Variants in RBM47 observed in about 807,000 individuals in gnomAD.
The protein encoded by RBM47 is RNA binding motif protein 47, also known as RNA-binding protein 47.
Under a neutral mutation model 47.1 loss-of-function variants are expected in RBM47, and 21 were observed. The observed-to-expected ratio is 0.45, with a 90% CI of 0.32 to 0.64. RBM47 has a LOEUF of 0.64. Ranked by LOEUF, RBM47 falls within the 30% of genes least tolerant of loss-of-function variation. The pLI, the probability that RBM47 is intolerant of heterozygous loss-of-function variation, is 0.05. For missense variants in RBM47, 708 were observed against 870.9 expected, an observed-to-expected ratio of 0.81 and a Z score of 2.35; for synonymous variants, 375 against 361.7, an observed-to-expected ratio of 1.04 and a Z score of -0.42.
chr4:40,585,780 T>C (rs1250923889), intron 1 of RBM47, among the ~76,000 whole-genome samples: 2 of 152,166 alleles, frequency 1.3e-5, no homozygotes, highest in Non-Finnish European at 2.9e-5. Flanking sequence ...GCACGGCACA[T>C]AGGACACAGC....
intron 2 of RBM47, among the ~76,000 whole-genome samples, chr4:40,502,986 CA>C (rs35856007): frequency 0.04 from 3,431 of 86,396 alleles, 80 homozygotes; most frequent in African/African-American, 0.14. Context: ...CCTGTCTGTA[CA>C]AAAAAAAAAA....
chr4:40,614,582 A>G (rs1244577682), intron 1 of RBM47, among the ~76,000 whole-genome samples: 1 of 151,888 alleles, frequency 6.6e-6, no homozygotes, highest in East Asian at 1.9e-4. Context: ...ACCTGTAATT[A>G]CAACACTCTG....
At chr4:40,560,821 C>T (rs555055596) in intron 1 of RBM47, among the ~76,000 whole-genome samples, 39 of 152,070 alleles carry the variant, frequency 2.6e-4, no homozygotes, top group African/African-American at 9.2e-4. Flanking sequence ...AAAAAATTAC[C>T]CAGGCATGGT....
chr4:40,538,502 T>G (rs1728194172), intron 2 of RBM47, among the ~76,000 whole-genome samples: 1 of 152,048 alleles, frequency 6.6e-6, no homozygotes, highest in South Asian at 2.1e-4. Context: ...AATTTTTGTA[T>G]TTTTAGTAGA....
intron 2 of RBM47, among the ~76,000 whole-genome samples, chr4:40,489,104 T>C (rs1721515684): frequency 6.6e-6 from 1 of 152,180 alleles, no homozygotes; most frequent in Admixed American, 6.5e-5. Flanking sequence ...CCCCCTCATG[T>C]ATTCAGTTGC....
intron 1 of RBM47, among the ~76,000 whole-genome samples, chr4:40,597,090 C>G (rs1209923334): frequency 2.0e-5 from 3 of 152,012 alleles, no homozygotes; most frequent in Non-Finnish European, 4.4e-5. Flanking sequence ...GAAACCCTAT[C>G]TCTACTAAAA....
At chr4:40,585,985 G>C (rs1733539199) in intron 1 of RBM47, among the ~76,000 whole-genome samples, 1 of 152,172 alleles carries the variant, frequency 6.6e-6, no homozygotes, top group Non-Finnish European at 1.5e-5. Context: ...CCAACACCAA[G>C]CTCCTTCTCT....
rs1244379047 is a variant in RBM47 at position 40,580,132 on chromosome 4, A to G, written c.-239-35626T>C. Among the ~76,000 whole-genome samples, 3 of 152,108 alleles carry G rather than the reference A, an allele frequency of 2.0e-5. No individual in the cohort carries two copies. In the East Asian group the frequency reaches 5.8e-4, roughly 29 times the overall value. ...AAATATCCTGGACCTCTCACCAGTA[A>G]AAAATTTTCCTTCAGTTGAACTTGG... On this transcript the variant is annotated intron_variant, in intron 1 of 6. Transcript: ENST00000295971.
At chr4:40,448,421 A>G (rs1283520104) in intron 3 of RBM47, among the ~76,000 whole-genome samples, 1 of 152,152 alleles carries the variant, frequency 6.6e-6, no homozygotes, top group Non-Finnish European at 1.5e-5. Context: ...TCTTCCAATC[A>G]CTACCTGGAA....
In RBM47 at chr4:40,598,200, T is replaced by G. The variant is rs1734924932; in HGVS notation, c.-240+31196A>C. ...CCGCAATGTCTAATGGGAAATAAAGTGCGCACACAGGAGATTTACCATTGA... is the reference window on the plus strand; with the variant it reads ...CCGCAATGTCTAATGGGAAATAAAGGGCGCACACAGGAGATTTACCATTGA... On this transcript the variant is annotated intron_variant, in intron 1 of 6. Transcript: ENST00000295971. Among the ~76,000 whole-genome samples, 4 of 152,340 alleles carry G rather than the reference T, an allele frequency of 2.6e-5. No homozygotes were observed. In the South Asian group the frequency reaches 8.3e-4, roughly 32 times the overall value.
chr4:40,565,877 TG>T (rs1731051632), intron 1 of RBM47, among the ~76,000 whole-genome samples: 1 of 151,900 alleles, frequency 6.6e-6, no homozygotes, highest in South Asian at 2.1e-4. Context: ...AAGACCAGCC[TG>T]GGTAACATAG....
intron 2 of RBM47, among the ~76,000 whole-genome samples, chr4:40,528,949 A>AAAAATAAATAAATAAATAAAT (rs1553896751): frequency 1.1e-5 from 1 of 88,596 alleles, no homozygotes; most frequent in African/African-American, 4.9e-5. Flanking sequence ...TCTCAAAAAA[A>AAAAATAAATAAATAAATAAAT]AAATAAATAA....
At chr4:40,429,032 T>G (rs1715482874) in intron 6 of RBM47, among the ~76,000 whole-genome samples, 1 of 152,176 alleles carries the variant, frequency 6.6e-6, no homozygotes, top group South Asian at 2.1e-4. Context: ...TTGTGCACCC[T>G]TCTGAGTAGC....
intron 6 of RBM47, among the ~76,000 whole-genome samples, chr4:40,432,020 T>TCAA (rs1716181610): frequency 6.7e-6 from 1 of 150,098 alleles, no homozygotes; most frequent in South Asian, 2.1e-4. Flanking sequence ...CAGGCTAATT[T>TCAA]AAAAAAAAAA....
At chr4:40,475,155 A>G (rs1187043561) in intron 2 of RBM47, among the ~76,000 whole-genome samples, 1 of 152,236 alleles carries the variant, frequency 6.6e-6, no homozygotes, top group Non-Finnish European at 1.5e-5. Flanking sequence ...TTTGAAAACA[A>G]TGATAAAAGT....
At chr4:40,569,560 C>A (rs952723181) in intron 1 of RBM47, among the ~76,000 whole-genome samples, 2 of 148,714 alleles carry the variant, frequency 1.3e-5, no homozygotes, top group Non-Finnish European at 3.0e-5. Flanking sequence ...CAGGCGCCCA[C>A]CACCACACCC....
chr4:40,621,283 G>A (rs998061129), intron 1 of RBM47, among the ~76,000 whole-genome samples: 3 of 152,200 alleles, frequency 2.0e-5, no homozygotes, highest in Non-Finnish European at 4.4e-5. Context: ...ACGCAGAGAG[G>A]GAACTGTGCC....
At chr4:40,505,762 G>A (rs943051341) in intron 2 of RBM47, among the ~76,000 whole-genome samples, 1 of 151,372 alleles carries the variant, frequency 6.6e-6, no homozygotes, top group African/African-American at 2.4e-5. Context: ...ATGGTGGTGT[G>A]CGCCTGTAGT....
intron 6 of RBM47, among the ~76,000 whole-genome samples, chr4:40,431,080 A>C (rs1219766925): frequency 6.7e-6 from 1 of 150,344 alleles, no homozygotes; most frequent in Non-Finnish European, 1.5e-5. Context: ...AAAAAAATCA[A>C]AAATCAAAAA....
Sources: gnomAD v4.1 joint callset for allele counts (sites outside exome capture counted in the v4.1 genomes callset) on GRCh38, gnomAD v4.1.1 for gene constraint, MANE v1.5 for transcripts, NCBI Gene and HGNC (gene_info 2026-07-23, HGNC 2026-07-21) for gene names.